KANSL1L: variants seen among roughly 807,000 people sequenced by gnomAD.
KANSL1L encodes KAT8 regulatory NSL complex subunit 1-like protein.
A neutral mutation model predicts 108.6 loss-of-function variants in KANSL1L; 25 were observed. The observed-to-expected ratio is 0.23, with a 90% CI of 0.17 to 0.32. KANSL1L has a LOEUF of 0.32. Ranked by LOEUF, KANSL1L falls within the 10% of genes least tolerant of loss-of-function variation. The pLI, the probability that KANSL1L is intolerant of heterozygous loss-of-function variation, is 1.00. For synonymous variants in KANSL1L, 405 were observed against 395.1 expected (o/e 1.03, Z -0.30); for missense variants, 1,137 against 1,125.7 (o/e 1.01, Z -0.14).
intron 10 of KANSL1L, 45 bp downstream of exon 10, chr2:210,029,758 T>C (rs867276600): frequency 1.0e-6 from 1 of 971,932 alleles, no homozygotes; most frequent in African/African-American, 1.6e-5. Flanking sequence ...TCAGGTGTTT[T>C]TATTTTTAAA....
intron 9 of KANSL1L, among the ~76,000 whole-genome samples, chr2:210,030,216 TGAACCACCA>T (rs2093995922): frequency 6.6e-6 from 1 of 151,986 alleles, no homozygotes; most frequent in African/African-American, 2.4e-5. Context: ...TATTCATAGT[TGAACCACCA>T]GAACTATCTT....
At position 210,044,391 on chromosome 2, in the gene KANSL1L, C is replaced by G. The variant is rs2094200489; in HGVS notation, c.1756-287G>C. 6.6e-6 allele frequency among the ~76,000 whole-genome samples: 1 copy of G among 151,586 alleles called. No homozygotes were observed. Among genetic ancestry groups the G allele is most frequent in the African/African-American group, 2.4e-5 (1 of 41,160 alleles). ...TCTAGTCTTTGATTATCTAAACATA[C>G]TAGCTGGGAATGATAACTGTAATTT... On this transcript the variant is annotated intron_variant, in intron 6 of 14. Coordinates refer to ENST00000281772, the MANE Select transcript of KANSL1L (RefSeq NM_152519.4). The surrounding 1 kb of genome is among the most constrained non-coding windows in gnomAD (Gnocchi z 4.2).
At chr2:210,074,368 C>T (rs1425134747) in intron 6 of KANSL1L, among the ~76,000 whole-genome samples, 1 of 152,114 alleles carries the variant, frequency 6.6e-6, no homozygotes, top group East Asian at 1.9e-4. Context: ...ACTTCTGGCT[C>T]ACAAAAGGTT....
At chr2:210,063,140 T>G (rs1386673128) in intron 6 of KANSL1L, among the ~76,000 whole-genome samples, 2 of 152,226 alleles carry the variant, frequency 1.3e-5, no homozygotes, top group Non-Finnish European at 2.9e-5. Flanking sequence ...AATGTAGAGC[T>G]CAGGCTGTGG....
chr2:210,095,302 T>C (rs769759123), intron 5 of KANSL1L, among the ~76,000 whole-genome samples: 1 of 152,072 alleles, frequency 6.6e-6, no homozygotes, highest in Non-Finnish European at 1.5e-5. Flanking sequence ...ATCAGTGGCC[T>C]TGAAGGGTAA....
At chr2:210,122,207 A>G (rs2095027955) in intron 3 of KANSL1L, among the ~76,000 whole-genome samples, 1 of 152,178 alleles carries the variant, frequency 6.6e-6, no homozygotes, top group Non-Finnish European at 1.5e-5. Flanking sequence ...TGGAACCACA[A>G]AAGACCCAGA....
intron 5 of KANSL1L, among the ~76,000 whole-genome samples, chr2:210,094,371 G>T (rs1412724082): frequency 6.6e-6 from 1 of 152,008 alleles, no homozygotes; most frequent in Non-Finnish European, 1.5e-5. Context: ...TGTCAAGTCT[G>T]AAATACCATT....
chr2:210,126,629 A>G (rs2095068054), intron 3 of KANSL1L, among the ~76,000 whole-genome samples: 2 of 152,286 alleles, frequency 1.3e-5, no homozygotes, highest in African/African-American at 4.8e-5. Flanking sequence ...TAACCTGGCC[A>G]ACATGGCAAA....
At chr2:210,166,244 T>C (rs919099037) in intron 1 of KANSL1L, among the ~76,000 whole-genome samples, 3 of 152,124 alleles carry the variant, frequency 2.0e-5, no homozygotes, top group Non-Finnish European at 2.9e-5. Flanking sequence ...ATCTGATCCC[T>C]TGGACATCAT....
chr2:210,162,220 A>G (rs1038702527), intron 1 of KANSL1L, among the ~76,000 whole-genome samples: 2 of 93,060 alleles, frequency 2.1e-5, no homozygotes, highest in African/African-American at 8.3e-5. Context: ...TTAGTGGTTC[A>G]GGTATATATA....
chr2:210,032,765 C>G (rs1010122244), intron 8 of KANSL1L: 1 of 152,194 alleles, frequency 6.6e-6, no homozygotes, highest in Non-Finnish European at 1.5e-5. Flanking sequence ...CTGAGTATCA[C>G]AGCTTCAATG....
At chr2:210,097,167 A>C in intron 5 of KANSL1L, 1 of 682,382 alleles carries the variant, frequency 1.5e-6, no homozygotes, top group Non-Finnish European at 1.8e-6. Flanking sequence ...CTGATCTCGA[A>C]CTCCTGAGCT....
At chr2:210,064,817 C>CAAAAA (rs1168784210) in intron 6 of KANSL1L, among the ~76,000 whole-genome samples, 6 of 42,178 alleles carry the variant, frequency 1.4e-4, no homozygotes, top group Admixed American at 8.3e-4. Flanking sequence ...CCTCCCCCAC[C>CAAAAA]AAAAAAAAAA....
Position 210,022,880 on chromosome 2 carries a change from G to T in KANSL1L, c.*69C>A. ...TGCTCTTATTCTGGAGGGGATGGGG[G>T]ATCCAGAACAGGGCTTTATTTCCTC... On this transcript the variant is annotated 3_prime_UTR_variant, in exon 15 of 15. Coordinates refer to ENST00000281772, the MANE Select transcript of KANSL1L (RefSeq NM_152519.4). 1.9e-6 allele frequency: 2 copies of T among 1,026,808 alleles called. No individual in the cohort carries two copies. Among genetic ancestry groups the T allele is most frequent in the Non-Finnish European group, 3.0e-6 (2 of 665,324 alleles). 63.6% of individuals were successfully genotyped at this position (1,026,808 alleles called of 1,614,324 possible).
intron 6 of KANSL1L, among the ~76,000 whole-genome samples, chr2:210,062,648 C>G (rs914435239): frequency 6.6e-6 from 1 of 152,238 alleles, no homozygotes; most frequent in South Asian, 2.1e-4. Context: ...GCAAAGGTGA[C>G]TCATTATGTT....
At chr2:210,025,541 C>T (rs1240192732) in intron 12 of KANSL1L, among the ~76,000 whole-genome samples, 3 of 148,712 alleles carry the variant, frequency 2.0e-5, no homozygotes, top group South Asian at 2.1e-4. Flanking sequence ...GGTGACAGGG[C>T]GAGACTCTGT....
At chr2:210,038,660 C>G (rs1315116782) in intron 8 of KANSL1L, among the ~76,000 whole-genome samples, 2 of 151,754 alleles carry the variant, frequency 1.3e-5, no homozygotes, top group East Asian at 3.9e-4. Context: ...GTTCATCCAC[C>G]TTAAATTTGT....
intron 14 of KANSL1L, 111 bp downstream of exon 14, chr2:210,023,922 T>C (rs998669664): frequency 2.0e-5 from 13 of 637,106 alleles, no homozygotes; most frequent in South Asian, 2.9e-5. Flanking sequence ...ACCTAACTTA[T>C]TGAATTTGTT....
chr2:210,069,241 C>T (rs976663476), intron 6 of KANSL1L, among the ~76,000 whole-genome samples: 8 of 152,196 alleles, frequency 5.3e-5, no homozygotes, highest in Non-Finnish European at 8.8e-5. Context: ...TTTCTAATAA[C>T]GTGTCCCCCA....
Sources: gnomAD v4.1 joint callset for allele counts (sites outside exome capture counted in the v4.1 genomes callset) on GRCh38, gnomAD v4.1.1 for gene constraint, Gnocchi (gnomAD v3.1) non-coding constraint, MANE v1.5 for transcripts, NCBI Gene and HGNC (gene_info 2026-07-23, HGNC 2026-07-21) for gene names.